GMDS: variants seen among roughly 807,000 people sequenced by gnomAD.
GMDS encodes GDP-mannose 4,6-dehydratase.
Under a neutral mutation model 49.9 loss-of-function variants are expected in GMDS, and 20 were observed. The ratio of observed to expected loss-of-function variants is 0.40; its 90% CI spans 0.28 to 0.58. The LOEUF is 0.58. Among genes scored for constraint, GMDS ranks in the 20% least tolerant of loss-of-function variants. The probability of loss-of-function intolerance (pLI) is 0.42; values close to 1 mark genes in which losing one functional copy is unlikely to be tolerated. For missense variants in GMDS, 362 were observed against 481.4 expected, an observed-to-expected ratio of 0.75 and a Z score of 2.32; for synonymous variants, 177 against 178.6, an observed-to-expected ratio of 0.99 and a Z score of 0.07.
intron 7 of GMDS, among the ~76,000 whole-genome samples, chr6:1,802,722 T>A (rs1162770091): frequency 6.6e-6 from 1 of 152,230 alleles, no homozygotes; most frequent in Non-Finnish European, 1.5e-5. Context: ...CTCCGCTGAA[T>A]GAACTTACTG....
chr6:1,798,927 A>C (rs1769842471), intron 7 of GMDS, among the ~76,000 whole-genome samples: 1 of 152,184 alleles, frequency 6.6e-6, no homozygotes, highest in African/African-American at 2.4e-5. Flanking sequence ...AAAGTACTGG[A>C]ACACAAATAA....
intron 4 of GMDS, among the ~76,000 whole-genome samples, chr6:2,110,780 C>T (rs1774503806): frequency 6.6e-6 from 1 of 152,026 alleles, no homozygotes; most frequent in African/African-American, 2.4e-5. Flanking sequence ...GAAAGTAATA[C>T]AGATATTTAA....
intron 4 of GMDS, among the ~76,000 whole-genome samples, chr6:2,102,310 T>A (rs1773972415): frequency 6.6e-6 from 1 of 152,168 alleles, no homozygotes; most frequent in Non-Finnish European, 1.5e-5. Flanking sequence ...TATCCAACAT[T>A]TAATTATTCA....
At chr6:2,220,611 T>C (rs760100705) in intron 1 of GMDS, among the ~76,000 whole-genome samples, 2 of 152,186 alleles carry the variant, frequency 1.3e-5, no homozygotes, top group Non-Finnish European at 2.9e-5. Context: ...CAAACTTTGC[T>C]ACACACATAA....
intron 6 of GMDS, among the ~76,000 whole-genome samples, chr6:1,941,785 C>T (rs1354851810): frequency 6.6e-6 from 1 of 152,102 alleles, no homozygotes; most frequent in Admixed American, 6.5e-5. Context: ...GAGGTGGTAG[C>T]AGACAGGAGC....
At chr6:1,765,028 G>A (rs1768294645) in intron 7 of GMDS, among the ~76,000 whole-genome samples, 1 of 151,778 alleles carries the variant, frequency 6.6e-6, no homozygotes, top group African/African-American at 2.4e-5. Context: ...AACAGCTGTG[G>A]GCACATTTTT....
intron 7 of GMDS, among the ~76,000 whole-genome samples, chr6:1,847,206 C>T (rs1000082633): frequency 2.6e-5 from 4 of 152,116 alleles, no homozygotes; most frequent in Admixed American, 6.6e-5. Flanking sequence ...CAGGTACAAG[C>T]CACCACGCCT....
At position 2,082,459 on chromosome 6, in the gene GMDS, A is replaced by C. The variant is rs537523054; in HGVS notation, c.345+33312T>G. Among the ~76,000 whole-genome samples the C allele has an allele frequency of 2.0e-5, 3 of 152,330 alleles. No individual in the cohort carries two copies. In the South Asian group the frequency reaches 6.2e-4, roughly 32 times the overall value. On this transcript the variant is annotated intron_variant, in intron 4 of 10. Coordinates refer to ENST00000380815, the MANE Select transcript of GMDS (RefSeq NM_001500.4). ...CAGTCTATCTGGCAGGTCCCCTCAT[A>C]AAATTGCAGGCATGGGCTCCTATCA...
intron 7 of GMDS, among the ~76,000 whole-genome samples, chr6:1,868,822 A>G (rs987071148): frequency 1.3e-5 from 2 of 152,238 alleles, no homozygotes; most frequent in African/African-American, 4.8e-5. Context: ...ATAACTTAGA[A>G]TCTTATAAGG....
At chr6:1,941,130 C>A (rs759658956) in intron 6 of GMDS, among the ~76,000 whole-genome samples, 1 of 152,070 alleles carries the variant, frequency 6.6e-6, no homozygotes, top group South Asian at 2.1e-4. Context: ...ACAAAACTAT[C>A]GGGGAACTAA....
intron 7 of GMDS, among the ~76,000 whole-genome samples, chr6:1,914,131 GTTTTTTTTTTTTTTT>G (rs563808537): frequency 1.3e-5 from 1 of 77,858 alleles, no homozygotes; most frequent in Middle Eastern, 9.4e-3. Context: ...TTTTTTGTTT[GTTTTTTTTTTTTTTT>G]TTTTTTTTTT....
chr6:2,065,430 T>C (rs1008151609), intron 4 of GMDS, among the ~76,000 whole-genome samples: 5 of 152,198 alleles, frequency 3.3e-5, no homozygotes, highest in African/African-American at 1.2e-4. Context: ...GGAGAATGAC[T>C]TTGACGAGCT....
intron 7 of GMDS, among the ~76,000 whole-genome samples, chr6:1,865,651 A>G (rs1758407354): frequency 6.6e-6 from 1 of 152,228 alleles, no homozygotes. Flanking sequence ...AAAGGAAAAA[A>G]GATGTTAGAG....
At chr6:1,901,329 G>T (rs1274393258) in intron 7 of GMDS, among the ~76,000 whole-genome samples, 3 of 152,090 alleles carry the variant, frequency 2.0e-5, no homozygotes, top group East Asian at 3.8e-4. Context: ...TTTTAACAAC[G>T]TGTTACTACT....
At chr6:2,225,268 T>G (rs1780765200) in intron 1 of GMDS, among the ~76,000 whole-genome samples, 1 of 152,012 alleles carries the variant, frequency 6.6e-6, no homozygotes, top group South Asian at 2.1e-4. Context: ...AGGTCAAGGC[T>G]TCAGTAAGCC....
chr6:1,890,532 T>G (rs1308049387), intron 7 of GMDS, among the ~76,000 whole-genome samples: 1 of 152,228 alleles, frequency 6.6e-6, no homozygotes, highest in Non-Finnish European at 1.5e-5. Flanking sequence ...GCTGCTTTTT[T>G]ACTTTTTTGA....
At chr6:1,983,380 G>T (rs1302003095) in intron 4 of GMDS, among the ~76,000 whole-genome samples, 1 of 152,148 alleles carries the variant, frequency 6.6e-6, no homozygotes, top group Non-Finnish European at 1.5e-5. Flanking sequence ...TTGAGAAATT[G>T]TATCTAATTA....
At chr6:1,937,678 C>T (rs1285444152) in intron 6 of GMDS, among the ~76,000 whole-genome samples, 1 of 152,224 alleles carries the variant, frequency 6.6e-6, no homozygotes, top group Non-Finnish European at 1.5e-5. Context: ...TCTGGCTCTT[C>T]TTTTTATTAT....
intron 9 of GMDS, among the ~76,000 whole-genome samples, chr6:1,700,219 A>G (rs78395257): frequency 1.8e-3 from 269 of 152,294 alleles, no homozygotes; most frequent in African/African-American, 6.2e-3. Flanking sequence ...GTATATGAGA[A>G]TTTTTTAAAG....
Sources: allele counts gnomAD v4.1 joint callset (sites outside exome capture counted in the v4.1 genomes callset), GRCh38; gene constraint gnomAD v4.1.1; transcripts MANE v1.5; gene names NCBI Gene and HGNC (gene_info 2026-07-23, HGNC 2026-07-21).